OPCML: variants seen among roughly 807,000 people sequenced by gnomAD.
OPCML encodes the protein opioid binding protein/cell adhesion molecule like.
OPCML carries 13 observed loss-of-function variants against 37.8 expected under a neutral mutation model. The observed-to-expected ratio is 0.34, with a 90% CI of 0.22 to 0.55. OPCML has a LOEUF of 0.55. Ranked by LOEUF, OPCML falls within the 20% of genes least tolerant of loss-of-function variation. The pLI is 0.91. For synonymous variants in OPCML, 176 were observed against 168.8 expected (o/e 1.04, Z -0.33); for missense variants, 341 against 435.6 (o/e 0.78, Z 1.93).
intron 2 of OPCML, among the ~76,000 whole-genome samples, chr11:132,693,138 G>GGACT (rs1287825805): frequency 2.6e-5 from 4 of 152,036 alleles, no homozygotes; most frequent in Admixed American, 1.3e-4. Context: ...CAAAACAGCT[G>GGACT]GACTACTGGA....
chr11:132,862,844 C>T (rs1364379764), intron 2 of OPCML, among the ~76,000 whole-genome samples: 1 of 152,228 alleles, frequency 6.6e-6, no homozygotes, highest in Non-Finnish European at 1.5e-5. Flanking sequence ...AATCCTTACA[C>T]ACAAGTGAGA....
chr11:132,986,994 T>C (rs1243826847), intron 1 of OPCML, among the ~76,000 whole-genome samples: 1 of 152,190 alleles, frequency 6.6e-6, no homozygotes, highest in Non-Finnish European at 1.5e-5. Flanking sequence ...ACGATGCGAA[T>C]GTGGGAGGGA....
chr11:132,587,663 C>T (rs1193672416), intron 3 of OPCML, among the ~76,000 whole-genome samples: 1 of 152,170 alleles, frequency 6.6e-6, no homozygotes, highest in Non-Finnish European at 1.5e-5. Context: ...CCACTTTACA[C>T]CTAAGGGGGC....
intron 1 of OPCML, chr11:133,117,948 C>T (rs976735444): frequency 1.0e-6 from 1 of 984,820 alleles, no homozygotes; most frequent in Non-Finnish European, 1.2e-6. Flanking sequence ...GGGGGCTGTC[C>T]AAGTTCCCCC....
intron 1 of OPCML, among the ~76,000 whole-genome samples, chr11:133,203,829 C>A (rs571568686): frequency 6.4e-4 from 97 of 152,092 alleles, no homozygotes; most frequent in African/African-American, 2.3e-3. Context: ...GAGGCTGAGG[C>A]GGGTGGATCA....
intron 1 of OPCML, among the ~76,000 whole-genome samples, chr11:133,375,983 G>A (rs1288057289): frequency 6.6e-6 from 1 of 152,194 alleles, no homozygotes; most frequent in Non-Finnish European, 1.5e-5. Context: ...GAGCCAGGGA[G>A]CAGAAACTAT....
intron 1 of OPCML, among the ~76,000 whole-genome samples, chr11:133,119,553 A>G (rs1949389433): frequency 6.6e-6 from 1 of 152,100 alleles, no homozygotes; most frequent in Non-Finnish European, 1.5e-5. Context: ...ACTTGAATAT[A>G]AACAAAACCC....
At chr11:132,757,995 C>T (rs183820356) in intron 2 of OPCML, among the ~76,000 whole-genome samples, 5 of 152,164 alleles carry the variant, frequency 3.3e-5, no homozygotes, top group Admixed American at 3.3e-4. Context: ...AAGAAGGAGT[C>T]CAGTTTCAAT....
chr11:133,381,583 C>T (rs1472347119), intron 1 of OPCML, among the ~76,000 whole-genome samples: 3 of 152,206 alleles, frequency 2.0e-5, no homozygotes. Context: ...ACTCACACCC[C>T]TGGAGAAAGT....
chr11:132,509,331 C>T (rs1406274577), intron 4 of OPCML, among the ~76,000 whole-genome samples: 1 of 150,688 alleles, frequency 6.6e-6, no homozygotes, highest in African/African-American at 2.4e-5. Context: ...AATTTGCAGC[C>T]TGACTACGTG....
At chr11:133,357,095 G>A (rs1472421173) in intron 1 of OPCML, among the ~76,000 whole-genome samples, 10 of 152,126 alleles carry the variant, frequency 6.6e-5, no homozygotes, top group Admixed American at 3.3e-4. Flanking sequence ...GCCACTTCTC[G>A]CAGTGCTCCT....
chr11:132,951,236 T>G lies in OPCML; in HGVS notation c.62-8226A>C, dbSNP rs528688225. 5.3e-5 allele frequency among the ~76,000 whole-genome samples: 8 copies of G among 152,308 alleles called. No individual in the cohort carries two copies. The South Asian group carries it at 1.7e-3, about 32-fold the overall frequency. Reference sequence around the variant, plus strand: ...ATGTCTCAGTCAGCTCAGGCTGCCATAACAAAATACTGCAGACTAGGTGGC... The same window carrying G: ...ATGTCTCAGTCAGCTCAGGCTGCCAGAACAAAATACTGCAGACTAGGTGGC... On this transcript the variant is annotated intron_variant, in intron 1 of 7. Transcript: ENST00000524381.
intron 1 of OPCML, among the ~76,000 whole-genome samples, chr11:133,166,869 A>C (rs1950215307): frequency 6.6e-6 from 1 of 152,216 alleles, no homozygotes; most frequent in Non-Finnish European, 1.5e-5. Flanking sequence ...GAGTATTGGC[A>C]TTGTGTTGGA....
chr11:133,232,436 C>T (rs1351296056), intron 1 of OPCML, among the ~76,000 whole-genome samples: 2 of 152,028 alleles, frequency 1.3e-5, no homozygotes, highest in Non-Finnish European at 2.9e-5. Context: ...GCATAAGTGA[C>T]ATGAAAGAAC....
chr11:132,931,858 G>C (rs996403618), intron 2 of OPCML, among the ~76,000 whole-genome samples: 1 of 152,192 alleles, frequency 6.6e-6, no homozygotes, highest in Non-Finnish European at 1.5e-5. Flanking sequence ...ATTCACAAGA[G>C]TGAATGCAAT....
intron 1 of OPCML, among the ~76,000 whole-genome samples, chr11:133,040,666 A>G (rs1035247283): frequency 2.0e-5 from 3 of 152,110 alleles, no homozygotes; most frequent in Admixed American, 2.0e-4. Context: ...CCCATCAGGA[A>G]TGAGTACCTG....
At chr11:133,430,662 T>C (rs1946097544) in intron 1 of OPCML, among the ~76,000 whole-genome samples, 1 of 152,146 alleles carries the variant, frequency 6.6e-6, no homozygotes, top group Admixed American at 6.5e-5. Flanking sequence ...TACCGTCCAA[T>C]GCATTTAGAG....
chr11:133,324,824 ATG>A (rs1943411379), intron 1 of OPCML, among the ~76,000 whole-genome samples: 3 of 152,090 alleles, frequency 2.0e-5, no homozygotes, highest in Admixed American at 6.5e-5. Context: ...ATATATTCAT[ATG>A]TGTGTGTGTA....
At chr11:132,562,079 G>A (rs934207856) in intron 3 of OPCML, among the ~76,000 whole-genome samples, 2 of 152,172 alleles carry the variant, frequency 1.3e-5, no homozygotes, top group African/African-American at 4.8e-5. Flanking sequence ...TGAAAGCACT[G>A]ACTGAGCAGA....
Sources: gnomAD v4.1 joint callset for allele counts (sites outside exome capture counted in the v4.1 genomes callset) on GRCh38, gnomAD v4.1.1 for gene constraint, MANE v1.5 for transcripts, NCBI Gene and HGNC (gene_info 2026-07-23, HGNC 2026-07-21) for gene names.